RIT2: variants seen among roughly 807,000 people sequenced by gnomAD.
RIT2 encodes the protein GTP-binding protein Rit2.
In RIT2, 24 loss-of-function variants were observed where a neutral mutation model predicts 23.7. The ratio of observed to expected loss-of-function variants is 1.01; its 90% CI spans 0.73 to 1.43. The LOEUF is 1.43. Ranked by LOEUF, RIT2 falls within the 40% of genes most tolerant of loss-of-function variation. RIT2 has a pLI of 0.00. For missense variants in RIT2, 236 were observed against 266.9 expected (o/e 0.88, Z 0.81); for synonymous variants, 107 against 91.1 (o/e 1.17, Z -0.99).
chr18:42,832,405 T>A (rs16977031), intron 4 of RIT2, among the ~76,000 whole-genome samples: 3,984 of 152,270 alleles, frequency 0.026, 179 homozygotes, highest in African/African-American at 0.088. Flanking sequence ...CCACCCATAA[T>A]GATGAAACCA....
At chr18:43,112,893 A>G (rs1913986550) in intron 1 of RIT2, among the ~76,000 whole-genome samples, 1 of 152,162 alleles carries the variant, frequency 6.6e-6, no homozygotes, top group Non-Finnish European at 1.5e-5. Flanking sequence ...AGCTTGATGC[A>G]TCTTCTTTAG....
intron 4 of RIT2, among the ~76,000 whole-genome samples, chr18:42,828,070 C>T (rs529066451): frequency 6.8e-6 from 1 of 146,598 alleles, no homozygotes. Context: ...CCATTTTATT[C>T]TCTATCAGAT....
chr18:42,772,541 A>AT, intron 4 of RIT2, among the ~76,000 whole-genome samples: 1 of 152,268 alleles, frequency 6.6e-6, no homozygotes, highest in Non-Finnish European at 1.5e-5. Context: ...AAAAATGTAT[A>AT]TTTGGTCTCT....
At chr18:43,016,340 T>C (rs1911474625) in intron 2 of RIT2, among the ~76,000 whole-genome samples, 1 of 151,874 alleles carries the variant, frequency 6.6e-6, no homozygotes, top group African/African-American at 2.4e-5. Flanking sequence ...TTTTACATAG[T>C]TAATTTTAGC....
chr18:42,743,441 A>C lies in RIT2; in HGVS notation c.*52T>G. On this transcript the variant is annotated 3_prime_UTR_variant, in exon 5 of 5. Transcript: ENST00000326695. ...ATTGAAGCAGAATGCTACATATGGA[A>C]TTGTCCAACTAATAAAATTCAGAGA... is the stretch of plus-strand genomic sequence containing the variant. 2.4e-6 allele frequency: 3 copies of C among 1,242,726 alleles called. No individual in the cohort carries two copies. Among genetic ancestry groups the C allele is most frequent in the Non-Finnish European group, 1.2e-6 (1 of 848,140 alleles). 77.0% of individuals were successfully genotyped at this position (1,242,726 alleles called of 1,614,324 possible). A position where few individuals can be genotyped will look rare whatever the true frequency, so the allele number is the denominator to read the frequency against.
intron 4 of RIT2, among the ~76,000 whole-genome samples, chr18:42,760,971 G>T (rs1913286808): frequency 6.6e-6 from 1 of 152,140 alleles, no homozygotes; most frequent in South Asian, 2.1e-4. Context: ...CAGAGTGGTG[G>T]ATTCTTCCTT....
At chr18:42,938,134 C>A (rs1350150372) in intron 3 of RIT2, among the ~76,000 whole-genome samples, 1 of 152,160 alleles carries the variant, frequency 6.6e-6, no homozygotes, top group Non-Finnish European at 1.5e-5. Context: ...AAGTACATTT[C>A]ACTTGATTCA....
chr18:42,834,845 C>T (rs1489234282), intron 4 of RIT2, among the ~76,000 whole-genome samples: 1 of 152,154 alleles, frequency 6.6e-6, no homozygotes, highest in East Asian at 1.9e-4. Context: ...GTAGTTCATG[C>T]CAGAGTGAAT....
intron 4 of RIT2, among the ~76,000 whole-genome samples, chr18:42,783,718 C>G (rs191386541): frequency 2.0e-4 from 30 of 152,092 alleles, no homozygotes; most frequent in Middle Eastern, 3.4e-3. Flanking sequence ...TTTAATAGCT[C>G]ATTTTCCCTG....
chr18:42,774,754 A>T (rs1000880508), intron 4 of RIT2, among the ~76,000 whole-genome samples: 7 of 151,904 alleles, frequency 4.6e-5, no homozygotes, highest in African/African-American at 1.7e-4. Flanking sequence ...AATGTCTTTT[A>T]TTCTTATCTT....
At chr18:43,004,337 T>C (rs928709795) in intron 2 of RIT2, among the ~76,000 whole-genome samples, 1 of 151,784 alleles carries the variant, frequency 6.6e-6, no homozygotes, top group Admixed American at 6.6e-5. Context: ...CTGCTTAGAG[T>C]GAGTTTAGCT....
chr18:42,864,912 T>A (rs1907429388), intron 4 of RIT2, among the ~76,000 whole-genome samples: 1 of 152,162 alleles, frequency 6.6e-6, no homozygotes, highest in African/African-American at 2.4e-5. Context: ...AATGTATGCC[T>A]TGTATAAAAA....
intron 3 of RIT2, among the ~76,000 whole-genome samples, chr18:42,963,113 C>A (rs1400806765): frequency 6.6e-6 from 1 of 152,124 alleles, no homozygotes; most frequent in Admixed American, 6.5e-5. Context: ...GAATTGATTT[C>A]TAATGGAGAG....
At chr18:42,909,785 T>TAA (rs1244390074) in intron 4 of RIT2, among the ~76,000 whole-genome samples, 1 of 146,420 alleles carries the variant, frequency 6.8e-6, no homozygotes, top group Non-Finnish European at 1.5e-5. Context: ...AACGCTAAAC[T>TAA]AAAAAAAAAA....
intron 4 of RIT2, among the ~76,000 whole-genome samples, chr18:42,856,154 A>G (rs1046940437): frequency 3.3e-5 from 5 of 152,226 alleles, no homozygotes; most frequent in African/African-American, 1.2e-4. Flanking sequence ...AAGCCTAAAG[A>G]TAATCTTCTA....
chr18:43,110,513 C>A (rs1468542983), intron 1 of RIT2, among the ~76,000 whole-genome samples: 3 of 152,068 alleles, frequency 2.0e-5, no homozygotes, highest in African/African-American at 4.8e-5. Context: ...ATATTTGAAA[C>A]TGTTATAAGG....
chr18:42,855,002 A>T (rs1251396216), intron 4 of RIT2, among the ~76,000 whole-genome samples: 1 of 152,158 alleles, frequency 6.6e-6, no homozygotes, highest in Non-Finnish European at 1.5e-5. Flanking sequence ...AAAAACTTGG[A>T]TTTACTTTAT....
intron 4 of RIT2, among the ~76,000 whole-genome samples, chr18:42,865,339 T>C (rs897574490): frequency 1.3e-5 from 2 of 152,214 alleles, no homozygotes; most frequent in African/African-American, 2.4e-5. Flanking sequence ...TCCAAGCCCA[T>C]CTGCTATTGT....
At chr18:42,769,166 A>C (rs1376054530) in intron 4 of RIT2, among the ~76,000 whole-genome samples, 2 of 152,170 alleles carry the variant, frequency 1.3e-5, no homozygotes, top group African/African-American at 2.4e-5. Flanking sequence ...AAAGGTAATA[A>C]GAAGAAAGAG....
Sources: allele counts gnomAD v4.1 joint callset (sites outside exome capture counted in the v4.1 genomes callset), GRCh38; gene constraint gnomAD v4.1.1; transcripts MANE v1.5; gene names NCBI Gene and HGNC (gene_info 2026-07-23, HGNC 2026-07-21).